The following OOSP3 variants were observed in gnomAD, a reference collection of about 807,000 sequenced individuals.
The protein encoded by OOSP3 is oocyte-secreted protein 3.
chr11:59,889,171 G>C (rs893291943), intron 2 of OOSP3, among the ~76,000 whole-genome samples: 3 of 151,372 alleles, frequency 2.0e-5, no homozygotes, highest in African/African-American at 7.3e-5. Context: ...GTGTTTATAT[G>C]AATCTTCTCT....
intron 2 of OOSP3, among the ~76,000 whole-genome samples, chr11:59,884,475 GTCTC>G (rs60145654): frequency 0.15 from 16,883 of 113,396 alleles, 1,154 homozygotes; most frequent in East Asian, 0.21. Context: ...CTGTCTGTCT[GTCTC>G]TCTCTCTCTC....
In OOSP3 at chr11:59,883,439, T is replaced by A. The variant is rs73490940; in HGVS notation, c.252+3000T>A. Among the ~76,000 whole-genome samples the A allele has an allele frequency of 5.4e-3, 829 of 152,338 alleles. 6 individuals are homozygous for A. Among genetic ancestry groups the A allele is most frequent in the African/African-American group, 0.018 (744 of 41,580 alleles). ...TCTTTGAGAAATGCAGGAATTCTTT[T>A]CACCACAATATCAGCTTGATCCAAG... On this transcript the variant is annotated intron_variant, in intron 2 of 4. Coordinates refer to ENST00000646438, the Ensembl canonical transcript of OOSP3.
intron 2 of OOSP3, among the ~76,000 whole-genome samples, chr11:59,886,893 C>T (rs995773991): frequency 1.8e-4 from 27 of 151,328 alleles, no homozygotes; most frequent in African/African-American, 5.8e-4. Flanking sequence ...CAGATTCAAG[C>T]GATTCTGCTG....
Position 59,886,951 on chromosome 11 carries a change from C to T in OOSP3, c.252+6512C>T, listed in dbSNP as rs111540425. 5.5e-3 allele frequency among the ~76,000 whole-genome samples: 843 copies of T among 151,958 alleles called. 6 individuals are homozygous for T. Among genetic ancestry groups the T allele is most frequent in the African/African-American group, 0.018 (731 of 41,476 alleles). ...GAGTATAGGCGTGTGCCACCATGCC[C>T]GGCTAATTTTTTTTTGTATTTTTAG... is the stretch of plus-strand genomic sequence containing the variant. On this transcript the variant is annotated intron_variant, in intron 2 of 4. Coordinates refer to ENST00000646438, the Ensembl canonical transcript of OOSP3.
intron 2 of OOSP3, among the ~76,000 whole-genome samples, chr11:59,881,753 T>C (rs1853203533): frequency 1.3e-5 from 2 of 151,912 alleles, no homozygotes; most frequent in Admixed American, 1.3e-4. Flanking sequence ...ACCTGTAATC[T>C]CAGTAACTCA....
chr11:59,894,256 T>TA lies in OOSP3; in HGVS notation c.350+81dup, dbSNP rs1853337061. The TA allele has an allele frequency of 1.0e-5, 4 of 396,934 alleles. No homozygotes were observed. The Admixed American group carries it at 1.8e-4, about 17-fold the overall frequency. The allele number at this position is 396,934 out of a possible 1,614,324, so 24.6% of individuals were successfully genotyped here. A position where few individuals can be genotyped will look rare whatever the true frequency, so the allele number is the denominator to read the frequency against. ...GGAAAACATTTGGAATATGAAGCTT[T>TA]ACATCATTAGAACCCTAGAGCGAGG... On this transcript the variant is annotated intron_variant, in intron 3 of 4. Transcript: ENST00000646438.
At chr11:59,891,250 A>T (rs1853309578) in intron 2 of OOSP3, among the ~76,000 whole-genome samples, 1 of 152,142 alleles carries the variant, frequency 6.6e-6, no homozygotes, top group Non-Finnish European at 1.5e-5. Flanking sequence ...GTTCATTATT[A>T]CCCACTTTCT....
intron 2 of OOSP3, among the ~76,000 whole-genome samples, chr11:59,887,188 G>A (rs1179154946): frequency 1.3e-5 from 2 of 151,386 alleles, no homozygotes; most frequent in African/African-American, 4.9e-5. Context: ...TTTGTCAGAT[G>A]GATAGATTGC....
Position 59,880,367 on chromosome 11 carries a change from T to A in OOSP3, c.180T>A (p.Cys60Ter). 2.5e-6 allele frequency: 1 copy of A among 398,550 alleles called. No homozygotes were observed. Among genetic ancestry groups the A allele is most frequent in the African/African-American group, 2.1e-5 (1 of 48,744 alleles). 24.7% of individuals were successfully genotyped at this position (398,550 alleles called of 1,614,324 possible). A position where few individuals can be genotyped will look rare whatever the true frequency, so the allele number is the denominator to read the frequency against. ...ATGAAGCATCTCTGGGAACTGGCTG[T>A]CCTGTAACCAATGTAACTGCGAAGG... The change falls in exon 2 of 5, where the codon TGT becomes TGA. Residue 60 changes from cysteine (C) to a stop codon, truncating the protein, a stop_gained. Transcript: ENST00000646438. LOFTEE classifies it high-confidence loss of function.
In OOSP3 at chr11:59,886,936, G is replaced by A. The variant is rs142170683; in HGVS notation, c.252+6497G>A. 3.7e-4 allele frequency among the ~76,000 whole-genome samples: 56 copies of A among 151,944 alleles called. No individual in the cohort carries two copies. In the East Asian group the frequency reaches 9.9e-3, roughly 27 times the overall value. On this transcript the variant is annotated intron_variant, in intron 2 of 4. Transcript: ENST00000646438. ...CTCCCGAATAGCTGGGAGTATAGGC[G>A]TGTGCCACCATGCCCGGCTAATTTT...
At chr11:59,884,112 AT>A (rs1853227037) in intron 2 of OOSP3, among the ~76,000 whole-genome samples, 1 of 152,210 alleles carries the variant, frequency 6.6e-6, no homozygotes, top group African/African-American at 2.4e-5. Context: ...CGTGGCTTAA[AT>A]AACAGACAGC....
chr11:59,882,865 G>A (rs980819825), intron 2 of OOSP3, among the ~76,000 whole-genome samples: 1 of 152,106 alleles, frequency 6.6e-6, no homozygotes, highest in African/African-American at 2.4e-5. Context: ...CTCTGGATAT[G>A]TCATATAAAT....
intron 2 of OOSP3, 126 bp from the exon 3 acceptor site, chr11:59,893,953 C>G (rs745754100): frequency 1.3e-5 from 5 of 394,566 alleles, no homozygotes; most frequent in Non-Finnish European, 2.2e-5. Flanking sequence ...TTTTCCAGCT[C>G]TCTGCAGAGA....
chr11:59,878,955 G>A (rs1853177294), intron 1 of OOSP3, 74 bp downstream of exon 1: 1 of 397,852 alleles, frequency 2.5e-6, no homozygotes, highest in Admixed American at 4.4e-5. Flanking sequence ...ACTGTTTGCT[G>A]TTTTGAGTGG....
At chr11:59,887,580 C>T (rs1853274632) in intron 2 of OOSP3, among the ~76,000 whole-genome samples, 1 of 152,128 alleles carries the variant, frequency 6.6e-6, no homozygotes, top group South Asian at 2.1e-4. Flanking sequence ...TTGTTTTTGT[C>T]AGGTTTGTCA....
rs183563355 is a variant in OOSP3, at chr11:59,896,096, A to C, written c.502-37A>C. 17 of 398,264 alleles carry C rather than the reference A, an allele frequency of 4.3e-5. No individual in the cohort carries two copies. The Admixed American group carries it at 7.0e-4, about 16-fold the overall frequency. The allele number at this position is 398,264 out of a possible 1,614,324, so 24.7% of individuals were successfully genotyped here. On this transcript the variant is annotated intron_variant, in intron 4 of 4. Transcript: ENST00000646438. ...CAAGTTTATCAAGGGGTTACATTGG[A>C]AACTTTTTATTAACTACCTTTCTTT...
intron 1 of OOSP3, among the ~76,000 whole-genome samples, chr11:59,879,205 T>C (rs1211326860): frequency 1.3e-5 from 2 of 152,204 alleles, no homozygotes; most frequent in African/African-American, 4.8e-5. Context: ...CCTCCCACCC[T>C]GATCTCCCAC....
chr11:59,896,368 T>G, exon 5 of OOSP3: 1 of 390,706 alleles, frequency 2.6e-6, no homozygotes, highest in Non-Finnish European at 4.5e-6. Flanking sequence ...TTTTAAAAAG[T>G]GCTCCTTTTA....
Position 59,894,837 on chromosome 11 carries a change from C to T in OOSP3, c.350+661C>T, listed in dbSNP as rs576830539. Among the ~76,000 whole-genome samples, 4 of 152,246 alleles carry T rather than the reference C, an allele frequency of 2.6e-5. No homozygotes were observed. The East Asian group carries it at 7.7e-4, about 29-fold the overall frequency. On this transcript the variant is annotated intron_variant, in intron 3 of 4. Transcript: ENST00000646438. ...AACACACCTTCTCACCTAACTGCCA[C>T]CCCGCAGATCAGGGAATGCTTGCAG...
Sources: gnomAD v4.1 joint callset for allele counts (sites outside exome capture counted in the v4.1 genomes callset) on GRCh38, gnomAD v4.1.1 for gene constraint, MANE v1.5 for transcripts, NCBI Gene and HGNC (gene_info 2026-07-23, HGNC 2026-07-21) for gene names.